ELMO1: variants seen among roughly 807,000 people sequenced by gnomAD.
ELMO1 encodes the protein engulfment and cell motility 1.
Under a neutral mutation model 98.9 loss-of-function variants are expected in ELMO1, and 26 were observed. That is an observed-to-expected ratio of 0.26 (90% confidence interval 0.19 to 0.36). The LOEUF (loss-of-function observed/expected upper bound fraction) is 0.36. Among genes scored for constraint, ELMO1 ranks in the 10% least tolerant of loss-of-function variants. ELMO1 has a pLI of 1.00. For missense variants in ELMO1, 627 were observed against 935.2 expected, an observed-to-expected ratio of 0.67 and a Z score of 4.30; for synonymous variants, 346 against 346.0, an observed-to-expected ratio of 1.00 and a Z score of 0.00.
chr7:37,264,376 T>C (rs1246289382), intron 5 of ELMO1, among the ~76,000 whole-genome samples: 1 of 152,216 alleles, frequency 6.6e-6, no homozygotes, highest in Non-Finnish European at 1.5e-5. Flanking sequence ...CACATTTGCA[T>C]ACAAATGGTC....
chr7:37,241,102 G>C (rs2130686915), intron 7 of ELMO1, among the ~76,000 whole-genome samples: 1 of 152,018 alleles, frequency 6.6e-6, no homozygotes, highest in Middle Eastern at 3.4e-3. Flanking sequence ...CTCCTTAGTA[G>C]TCAGTGTTTG....
At position 37,027,506 on chromosome 7, in the gene ELMO1, C is replaced by T. The variant is rs910427821; in HGVS notation, c.1301-14071G>A. ...CCTGGACAAAGGCATTTAAGGGAGA[C>T]GCAGGGGATATTAAGGGAATGATCC... On this transcript the variant is annotated intron_variant, in intron 15 of 21. Coordinates refer to ENST00000310758, the MANE Select transcript of ELMO1 (RefSeq NM_014800.11). Among the ~76,000 whole-genome samples the T allele has an allele frequency of 1.1e-4, 17 of 152,184 alleles. No individual in the cohort carries two copies. The East Asian group carries it at 2.3e-3, about 21-fold the overall frequency.
At chr7:37,073,029 G>C (rs1446383733) in intron 15 of ELMO1, among the ~76,000 whole-genome samples, 1 of 152,168 alleles carries the variant, frequency 6.6e-6, no homozygotes, top group Non-Finnish European at 1.5e-5. Context: ...ATCTATCTAA[G>C]TAACTATACA....
At chr7:36,976,399 G>A (rs1303451860) in intron 16 of ELMO1, among the ~76,000 whole-genome samples, 1 of 152,300 alleles carries the variant, frequency 6.6e-6, no homozygotes, top group African/African-American at 2.4e-5. Flanking sequence ...AATACTTCCT[G>A]TGAACAGAAG....
chr7:37,213,322 A>C lies in ELMO1; in HGVS notation c.954+13T>G, dbSNP rs377002059. 6.1e-5 allele frequency: 98 copies of C among 1,611,992 alleles called. No individual in the cohort carries two copies. The highest frequency in any genetic ancestry group is 1.8e-4 in the Middle Eastern group (1 of 5,524). ...CCTTCCTGTGCTTTGACTGCTGTCC[A>C]ATGAGCACTCACCTGGTCCTGGGGG... is the stretch of plus-strand genomic sequence containing the variant. On this transcript the variant is annotated intron_variant, in intron 12 of 21. Transcript: ENST00000310758.
chr7:37,195,099 G>A (rs950430615), intron 13 of ELMO1, among the ~76,000 whole-genome samples: 1 of 152,174 alleles, frequency 6.6e-6, no homozygotes, highest in Non-Finnish European at 1.5e-5. Flanking sequence ...CCTGGACTGG[G>A]AGAGCTCCCA....
At position 36,942,323 on chromosome 7, in the gene ELMO1, C is replaced by T. The variant is rs73688406; in HGVS notation, c.1438-47306G>A. 1.1e-3 allele frequency among the ~76,000 whole-genome samples: 169 copies of T among 152,278 alleles called. 1 individual carries two copies. Among genetic ancestry groups the T allele is most frequent in the African/African-American group, 3.9e-3 (162 of 41,568 alleles). ...ACGTCTTTCCTCTTCTATCAGGAAGCGCAGCTGCACATTACTTACTTCTAA... is the reference window on the plus strand; with the variant it reads ...ACGTCTTTCCTCTTCTATCAGGAAGTGCAGCTGCACATTACTTACTTCTAA... On this transcript the variant is annotated intron_variant, in intron 16 of 21. Coordinates refer to ENST00000310758, the MANE Select transcript of ELMO1 (RefSeq NM_014800.11).
intron 16 of ELMO1, among the ~76,000 whole-genome samples, chr7:36,907,363 G>A (rs1784038829): frequency 6.6e-6 from 1 of 152,136 alleles, no homozygotes; most frequent in Admixed American, 6.5e-5. Context: ...TCTATGGCTG[G>A]TTATTACAGT....
intron 14 of ELMO1, among the ~76,000 whole-genome samples, chr7:37,102,239 C>T (rs1439245597): frequency 1.3e-5 from 2 of 152,090 alleles, no homozygotes; most frequent in Non-Finnish European, 1.5e-5. Context: ...GGTGCCAATG[C>T]TAATGATGAT....
chr7:36,972,976 T>G (rs1427186333), intron 16 of ELMO1, among the ~76,000 whole-genome samples: 1 of 152,098 alleles, frequency 6.6e-6, no homozygotes, highest in Non-Finnish European at 1.5e-5. Context: ...AGACGAGGTT[T>G]TGCCATGTTG....
chr7:37,355,591 G>A (rs917354527), intron 1 of ELMO1, among the ~76,000 whole-genome samples: 2 of 152,360 alleles, frequency 1.3e-5, no homozygotes, highest in East Asian at 1.9e-4. Flanking sequence ...GACAGAAATC[G>A]GAGGGGGGAA....
At chr7:37,444,929 T>A (rs980185216) in intron 1 of ELMO1, among the ~76,000 whole-genome samples, 1 of 152,232 alleles carries the variant, frequency 6.6e-6, no homozygotes, top group African/African-American at 2.4e-5. Context: ...TAAAAGGAGA[T>A]AGCTAAGTAT....
intron 2 of ELMO1, among the ~76,000 whole-genome samples, chr7:37,332,591 C>T (rs1487243297): frequency 6.6e-6 from 1 of 152,190 alleles, no homozygotes; most frequent in Non-Finnish European, 1.5e-5. Flanking sequence ...ATGCAGAGAA[C>T]TGAGGAGGAT....
intron 13 of ELMO1, among the ~76,000 whole-genome samples, chr7:37,161,170 ATTC>A (rs1789177618): frequency 6.6e-6 from 1 of 152,148 alleles, no homozygotes; most frequent in Non-Finnish European, 1.5e-5. Context: ...TCTCCACTAC[ATTC>A]TTCTAAAGTT....
At chr7:36,964,424 A>G (rs1789235077) in intron 16 of ELMO1, among the ~76,000 whole-genome samples, 1 of 152,354 alleles carries the variant, frequency 6.6e-6, no homozygotes, top group Admixed American at 6.5e-5. Flanking sequence ...TACTATACTG[A>G]AAGTAAAAAC....
chr7:37,153,920 C>A (rs1418447087), intron 13 of ELMO1, among the ~76,000 whole-genome samples: 2 of 152,114 alleles, frequency 1.3e-5, no homozygotes, highest in East Asian at 3.9e-4. Flanking sequence ...ACAGACACCT[C>A]ATACAGGTGG....
rs1044105163 is a variant in ELMO1 at position 37,249,909 on chromosome 7, G to A, written c.414-5518C>T. ...GCCTGGGAAACACAGAGAGACCTTCGTCTCTATAAAAAATATTTAAAAATT... is the reference window on the plus strand; with the variant it reads ...GCCTGGGAAACACAGAGAGACCTTCATCTCTATAAAAAATATTTAAAAATT... On this transcript the variant is annotated intron_variant, in intron 6 of 21. Transcript: ENST00000310758. Among the ~76,000 whole-genome samples, 3 of 152,086 alleles carry A rather than the reference G, an allele frequency of 2.0e-5. No homozygotes were observed. In the East Asian group the frequency reaches 5.8e-4, roughly 29 times the overall value.
chr7:37,409,484 A>G (rs1803907520), intron 1 of ELMO1, among the ~76,000 whole-genome samples: 1 of 152,182 alleles, frequency 6.6e-6, no homozygotes, highest in Non-Finnish European at 1.5e-5. Context: ...TGGTTTGTCT[A>G]TGCTCCATGC....
chr7:37,282,123 T>C (rs967419017), intron 4 of ELMO1, among the ~76,000 whole-genome samples: 1 of 152,190 alleles, frequency 6.6e-6, no homozygotes, highest in Non-Finnish European at 1.5e-5. Flanking sequence ...TTCTACTTAG[T>C]CAGATAAATG....
Sources: gnomAD v4.1 joint callset for allele counts (sites outside exome capture counted in the v4.1 genomes callset) on GRCh38, gnomAD v4.1.1 for gene constraint, MANE v1.5 for transcripts, NCBI Gene and HGNC (gene_info 2026-07-23, HGNC 2026-07-21) for gene names.